The following PRKG1 variants were observed in gnomAD, a reference collection of about 807,000 sequenced individuals.
PRKG1 encodes the protein protein kinase cGMP-dependent 1.
Under a neutral mutation model 88.1 loss-of-function variants are expected in PRKG1, and 35 were observed. That is an observed-to-expected ratio of 0.40 (90% CI 0.30 to 0.53). The LOEUF (loss-of-function observed/expected upper bound fraction) is 0.53. Among genes scored for constraint, PRKG1 ranks in the 20% least tolerant of loss-of-function variants. PRKG1 has a pLI of 0.59. For missense variants in PRKG1, 540 were observed against 839.8 expected (o/e 0.64, Z 4.41); for synonymous variants, 303 against 292.5 (o/e 1.04, Z -0.37).
At chr10:51,736,842 C>T (rs1231205677) in intron 3 of PRKG1, among the ~76,000 whole-genome samples, 3 of 150,982 alleles carry the variant, frequency 2.0e-5, no homozygotes, top group Admixed American at 6.6e-5. Flanking sequence ...CATTATGTTG[C>T]TCAGGCTGGT....
At chr10:51,248,187 A>G (rs1357486054) in intron 2 of PRKG1, among the ~76,000 whole-genome samples, 1 of 151,846 alleles carries the variant, frequency 6.6e-6, no homozygotes, top group Non-Finnish European at 1.5e-5. Context: ...GCTGCCCAGG[A>G]CAGTTATTGA....
At chr10:52,166,839 G>GTATATATA (rs375678645) in intron 9 of PRKG1, among the ~76,000 whole-genome samples, 23 of 90,492 alleles carry the variant, frequency 2.5e-4, no homozygotes, top group South Asian at 8.4e-4. Flanking sequence ...GTATATATAT[G>GTATATATA]TATATATATG....
At chr10:51,060,361 T>C (rs1843679416) in intron 1 of PRKG1, among the ~76,000 whole-genome samples, 1 of 152,084 alleles carries the variant, frequency 6.6e-6, no homozygotes, top group African/African-American at 2.4e-5. Context: ...TTTGTGATTT[T>C]TGTTCTATAT....
chr10:51,726,973 G>T (rs988273882), intron 3 of PRKG1, among the ~76,000 whole-genome samples: 11 of 151,930 alleles, frequency 7.2e-5, no homozygotes, highest in Admixed American at 1.3e-4. Context: ...TAGAGACAGG[G>T]TTTCACCATA....
intron 2 of PRKG1, among the ~76,000 whole-genome samples, chr10:51,436,145 G>C (rs1838921729): frequency 6.6e-6 from 1 of 151,550 alleles, no homozygotes; most frequent in African/African-American, 2.4e-5. Flanking sequence ...ACAGGGTGCT[G>C]GGAAGGGTTA....
intron 9 of PRKG1, among the ~76,000 whole-genome samples, chr10:52,166,817 ATGTATATATATGTATATATATG>A (rs1838469965): frequency 2.4e-3 from 8 of 3,348 alleles, no homozygotes; most frequent in Non-Finnish European, 7.9e-3. Context: ...ATGTATATAT[ATGTATATATATGTATATATATG>A]TATATATATG....
At chr10:51,481,040 A>C (rs1281861701) in intron 3 of PRKG1, among the ~76,000 whole-genome samples, 1 of 152,192 alleles carries the variant, frequency 6.6e-6, no homozygotes, top group Non-Finnish European at 1.5e-5. Flanking sequence ...ATGGCATTTA[A>C]TGAAACTCAT....
intron 9 of PRKG1, among the ~76,000 whole-genome samples, chr10:52,217,514 C>A (rs1014465106): frequency 6.6e-6 from 1 of 151,952 alleles, no homozygotes; most frequent in African/African-American, 2.4e-5. Flanking sequence ...ATATTTTCAC[C>A]CTGTCTTCAA....
chr10:51,683,574 TA>T (rs2132374916), intron 3 of PRKG1, among the ~76,000 whole-genome samples: 1 of 152,280 alleles, frequency 6.6e-6, no homozygotes, highest in South Asian at 2.1e-4. Context: ...TAGGGTTTTA[TA>T]AGCATAGGGT....
At chr10:51,747,856 G>A (rs866390413) in intron 3 of PRKG1, among the ~76,000 whole-genome samples, 11 of 151,994 alleles carry the variant, frequency 7.2e-5, no homozygotes, top group South Asian at 2.1e-4. Context: ...TGCAACCTCC[G>A]CCTCCCAGGT....
chr10:51,751,443 G>T lies in PRKG1; in HGVS notation c.593-53142G>T, dbSNP rs769428761. On this transcript the variant is annotated intron_variant, in intron 3 of 17. Coordinates refer to ENST00000373980, the MANE Select transcript of PRKG1 (RefSeq NM_006258.4). ...GGATTTCACCATGTTGGCCAGGCAG[G>T]TCTTGAACTCCTGGCCTCAAGTTAT... 1.2e-4 allele frequency among the ~76,000 whole-genome samples: 18 copies of T among 152,116 alleles called. 1 individual carries two copies. Among genetic ancestry groups the T allele is most frequent in the Non-Finnish European group, 1.8e-4 (12 of 68,024 alleles).
intron 2 of PRKG1, among the ~76,000 whole-genome samples, chr10:51,219,805 T>C (rs912968233): frequency 1.3e-5 from 2 of 152,062 alleles, no homozygotes; most frequent in African/African-American, 2.4e-5. Context: ...CAGGAGAAGT[T>C]AATGAGTGGA....
intron 9 of PRKG1, among the ~76,000 whole-genome samples, chr10:52,248,121 C>A (rs1276528135): frequency 6.6e-6 from 1 of 152,188 alleles, no homozygotes; most frequent in Non-Finnish European, 1.5e-5. Flanking sequence ...CTTAAGAATG[C>A]CTTTGAGTGG....
intron 3 of PRKG1, among the ~76,000 whole-genome samples, chr10:51,523,711 G>T (rs1841797396): frequency 6.6e-6 from 1 of 152,082 alleles, no homozygotes; most frequent in Admixed American, 6.6e-5. Flanking sequence ...CATCAGATCT[G>T]GCCTCTGCTT....
rs144023720 is a variant in PRKG1, at chr10:51,288,313, AAG to A, written c.478+134988_478+134989del. Among the ~76,000 whole-genome samples the A allele has an allele frequency of 9.9e-3, 1,510 of 152,242 alleles. 23 individuals are homozygous for A. Among genetic ancestry groups the A allele is most frequent in the African/African-American group, 0.034 (1,400 of 41,540 alleles). Reference sequence around the variant, plus strand: ...TTAAACTTCTATTGTTATGCACTGAAAGAGAGTATAAATGTGTTACTGAACAA... The same window carrying A: ...TTAAACTTCTATTGTTATGCACTGAAAGAGTATAAATGTGTTACTGAACAA... On this transcript the variant is annotated intron_variant, in intron 2 of 17. Transcript: ENST00000373980.
chr10:51,501,676 TG>T (rs754337789), intron 3 of PRKG1, among the ~76,000 whole-genome samples: 5 of 152,166 alleles, frequency 3.3e-5, no homozygotes, highest in East Asian at 3.9e-4. Flanking sequence ...CAAAAGGGCT[TG>T]GCATTCCTTT....
chr10:51,163,949 G>C, intron 2 of PRKG1, among the ~76,000 whole-genome samples: 1 of 152,210 alleles, frequency 6.6e-6, no homozygotes. Flanking sequence ...GCCTCTGTAG[G>C]CTCCACTTCT....
At chr10:51,788,311 T>A (rs977385720) in intron 3 of PRKG1, among the ~76,000 whole-genome samples, 4 of 152,180 alleles carry the variant, frequency 2.6e-5, no homozygotes, top group Non-Finnish European at 5.9e-5. Flanking sequence ...GAATGATCAA[T>A]TTTCTTTGCA....
At chr10:50,996,600 A>T (rs1438932603) in intron 1 of PRKG1, among the ~76,000 whole-genome samples, 1 of 152,172 alleles carries the variant, frequency 6.6e-6, no homozygotes, top group Non-Finnish European at 1.5e-5. Context: ...CCAGTCCTTC[A>T]TCTTCTTCCT....
Sources: gnomAD v4.1 joint callset for allele counts (sites outside exome capture counted in the v4.1 genomes callset) on GRCh38, gnomAD v4.1.1 for gene constraint, MANE v1.5 for transcripts, NCBI Gene and HGNC (gene_info 2026-07-23, HGNC 2026-07-21) for gene names.